HAS1: variants seen among roughly 807,000 people sequenced by gnomAD.
HAS1 encodes HA synthase 1.
A neutral mutation model predicts 35.0 loss-of-function variants in HAS1; 27 were observed. The ratio of observed to expected loss-of-function variants is 0.77; its 90% confidence interval spans 0.57 to 1.06. The LOEUF (loss-of-function observed/expected upper bound fraction) is 1.06, where lower values mean the gene tolerates loss of function less well. Among genes scored for constraint, HAS1 ranks in the 50% least tolerant of loss-of-function variants. HAS1 has a pLI of 0.00. For missense variants in HAS1, 940 were observed against 814.8 expected (o/e 1.15, Z -1.87); for synonymous variants, 409 against 371.2 (o/e 1.10, Z -1.17).
intron 1 of HAS1, among the ~76,000 whole-genome samples, chr19:51,721,531 A>G (rs991807803): frequency 1.3e-5 from 2 of 152,104 alleles, no homozygotes; most frequent in Non-Finnish European, 2.9e-5. Context: ...TAATCCCAGC[A>G]CTTTGGGAGG....
Position 51,717,185 on chromosome 19 carries a change from G to A in HAS1, c.708C>T (p.Asp236=), listed in dbSNP as rs763658996. 1.9e-6 allele frequency: 3 copies of A among 1,610,432 alleles called. No homozygotes were observed. The highest frequency in any genetic ancestry group is 2.5e-6 in the Non-Finnish European group (3 of 1,177,822). The change falls in exon 3 of 5, where the codon GAC becomes GAT. Residue 236 remains aspartate (D), a synonymous_variant. Coordinates refer to ENST00000540069, the MANE Select transcript of HAS1 (RefSeq NM_001297436.2). ...GDSVDYVQVC[D]SDTRLDPMAL... ...CCATGGGGTCCAACCTTGTGTCCGA[G>A]TCACAGACCTGTAAGGTGGAAGGGG...
intron 2 of HAS1, among the ~76,000 whole-genome samples, chr19:51,717,784 C>T (rs1031762576): frequency 6.6e-6 from 1 of 152,194 alleles, no homozygotes; most frequent in South Asian, 2.1e-4. Context: ...CCAGCTGACA[C>T]CTTGATTGCA....
In HAS1 at chr19:51,719,438, G is replaced by C. The variant is rs2083608971; in HGVS notation, c.467C>G (p.Pro156Arg). ...MFREVFADED[P>R]ATYVWDGNYH... ...GTTGCCGTCCCACACGTACGTGGCG[G>C]GGTCCTCGTCAGCGAAGACCTCGCG... The change falls in exon 2 of 5, where the codon CCC becomes CGC. Residue 156 changes from proline (P) to arginine (R), a missense_variant. Coordinates refer to ENST00000540069, the MANE Select transcript of HAS1 (RefSeq NM_001297436.2). 10 of 1,554,262 alleles carry C rather than the reference G, an allele frequency of 6.4e-6. No individual in the cohort carries two copies. The highest frequency in any genetic ancestry group is 8.7e-6 in the Non-Finnish European group (10 of 1,148,280).
chr19:51,719,727 C>T lies in HAS1; in HGVS notation c.178G>A (p.Ala60Thr). 1 of 1,569,542 alleles carries T rather than the reference C, an allele frequency of 6.4e-7. No individual in the cohort carries two copies. Among genetic ancestry groups the T allele is most frequent in the Non-Finnish European group, 8.6e-7 (1 of 1,163,146 alleles). Residue 60 changes from alanine to threonine, a missense_variant, in exon 2 of 5, where the codon GCC (alanine) becomes ACC (threonine). Ala to Thr is a moderately conservative substitution (Grantham distance 58). Coordinates refer to ENST00000540069, the MANE Select transcript of HAS1 (RefSeq NM_001297436.2). The part of the protein sequence containing the change: ...YGLLAFGLYG[A>T]FLSAHLVAQS... ...GCCACCAGGTGCGCTGAAAGGAAGG[C>T]CCCGTAGAGGCCGAAGGCCAGGAGG...
chr19:51,723,871 C>G (rs1209766885), intron 1 of HAS1, 54 bp downstream of exon 1: 1 of 1,270,486 alleles, frequency 7.9e-7, no homozygotes, highest in African/African-American at 1.5e-5. Flanking sequence ...GTAGTTTTCC[C>G]CACATGGCTG....
intron 2 of HAS1, among the ~76,000 whole-genome samples, chr19:51,718,686 G>A (rs1047339288): frequency 1.3e-5 from 2 of 152,234 alleles, no homozygotes; most frequent in South Asian, 2.1e-4. Context: ...ATAGGCATTC[G>A]CCACCATGCT....
rs1266216131 is a variant in HAS1, at chr19:51,723,820, G to C, written c.9+105C>G. ...CACATGGATACACACATGAAATCAT[G>C]CACACACAGTTCCCCAACACACGTG... is the stretch of plus-strand genomic sequence containing the variant. On this transcript the variant is annotated intron_variant, in intron 1 of 4. Transcript: ENST00000540069. 4 of 1,075,520 alleles carry C rather than the reference G, an allele frequency of 3.7e-6. No individual in the cohort carries two copies. The African/African-American group carries it at 6.2e-5, about 17-fold the overall frequency. 66.6% of individuals were successfully genotyped at this position (1,075,520 alleles called of 1,614,324 possible).
rs546455366 is a variant in HAS1 at position 51,716,199 on chromosome 19, C to G, written c.1058+57G>C. The G allele has an allele frequency of 3.6e-5, 53 of 1,477,302 alleles. No individual in the cohort carries two copies. The Admixed American group carries it at 9.1e-4, about 25-fold the overall frequency. The allele number at this position is 1,477,302 out of a possible 1,614,324, so 91.5% of individuals were successfully genotyped here. ...TTGGAGAACTCTCAGCATGCACACA[C>G]GCTAGGATATTCATTGGCCTCCACA... is the stretch of plus-strand genomic sequence containing the variant. On this transcript the variant is annotated intron_variant, in intron 4 of 4. Transcript: ENST00000540069.
In HAS1 at chr19:51,717,193, C is replaced by T. The variant is rs1295059854; in HGVS notation, c.700G>A (p.Val234Ile). The T allele has an allele frequency of 6.2e-7, 1 of 1,606,556 alleles. No individual in the cohort carries two copies. The highest frequency in any genetic ancestry group is 8.5e-7 in the Non-Finnish European group (1 of 1,174,850). The change falls in exon 3 of 5, where the codon GTC becomes ATC. Residue 234 changes from valine to isoleucine, a missense_variant and splice_region_variant. Transcript: ENST00000540069. ...TCCAACCTTGTGTCCGAGTCACAGA[C>T]CTGTAAGGTGGAAGGGGCCAGGATC... ...ALGDSVDYVQ[V>I]CDSDTRLDPM...
In HAS1 at chr19:51,717,118, C is replaced by G. The variant is rs372673212; in HGVS notation, c.775G>C (p.Val259Leu). The G allele has an allele frequency of 2.5e-6, 4 of 1,613,944 alleles. No individual in the cohort carries two copies. Among genetic ancestry groups the G allele is most frequent in the South Asian group, 2.2e-5 (2 of 91,086 alleles). ...LVRVLDEDPR[V>L]GAVGGDVRIL... ...CGCACGTCCCCACCAACAGCCCCTA[C>G]CCGGGGGTCCTCGTCCAGTACCCGC... The change falls in exon 3 of 5, where the codon GTA (valine) becomes CTA (leucine). Residue 259 changes from valine (V) to leucine (L), a missense_variant. Transcript: ENST00000540069.
At chr19:51,719,147 C>T in intron 2 of HAS1, 59 bp downstream of exon 2, 2 of 1,063,802 alleles carry the variant, frequency 1.9e-6, no homozygotes, top group South Asian at 3.2e-5. Flanking sequence ...AGGAAAGACC[C>T]CAGGAAAGTG....
intron 4 of HAS1, 74 bp downstream of exon 4, chr19:51,716,182 C>T: frequency 7.6e-7 from 1 of 1,312,290 alleles, no homozygotes; most frequent in Non-Finnish European, 1.1e-6. Context: ...ATTTGGAGAA[C>T]TCTCAGCATG....
rs781757286 is a variant in HAS1 at position 51,713,437 on chromosome 19, A to T, written c.1724T>A (p.Val575Asp). 1 of 1,528,842 alleles carries T rather than the reference A, an allele frequency of 6.5e-7. No homozygotes were observed. Among genetic ancestry groups the T allele is most frequent in the Non-Finnish European group, 8.8e-7 (1 of 1,136,404 alleles). The allele number at this position is 1,528,842 out of a possible 1,614,324, so 94.7% of individuals were successfully genotyped here. The change falls in exon 5 of 5, where the codon GTC (valine) becomes GAC (aspartate). Residue 575 changes from valine to aspartate, a missense_variant. Coordinates refer to ENST00000540069, the MANE Select transcript of HAS1 (RefSeq NM_001297436.2). The surrounding 1 kb of genome is among the most constrained non-coding windows in gnomAD (Gnocchi z 4.5). The part of the protein sequence containing the change: ...LCRRRTGGYR[V>D]QV ...TCCGCGTGGCTGGACTCACACCTGGACGCGGTAGCCCCCGGTCCGCCGCCG... is the reference window on the plus strand; with the variant it reads ...TCCGCGTGGCTGGACTCACACCTGGTCGCGGTAGCCCCCGGTCCGCCGCCG...
rs61736498 is a variant in HAS1 at position 51,719,482 on chromosome 19, G to A, written c.423C>T (p.Leu141=). Reference sequence around the variant, plus strand: ...CCTCGCGGAACATGTCGACCATGTAGAGGTCCTCGGCGCGGTTGCCATCCA... The same window carrying A: ...CCTCGCGGAACATGTCGACCATGTAAAGGTCCTCGGCGCGGTTGCCATCCA... The part of the protein sequence containing the change: ...MVVDGNRAED[L]YMVDMFREVF... Residue 141 remains leucine, a synonymous_variant, in exon 2 of 5, where the codon CTC becomes CTT. Transcript: ENST00000540069. 4 of 1,551,040 alleles carry A rather than the reference G, an allele frequency of 2.6e-6. No individual in the cohort carries two copies. The East Asian group carries it at 9.8e-5, about 38-fold the overall frequency.
chr19:51,719,096 GA>G, intron 2 of HAS1, 109 bp downstream of exon 2: 3 of 622,276 alleles, frequency 4.8e-6, no homozygotes, highest in Non-Finnish European at 8.1e-6. Context: ...ATGGATGAAA[GA>G]ATAAAGAAAG....
In HAS1 at chr19:51,719,487, C is replaced by A; in HGVS notation, c.418G>T (p.Asp140Tyr). Residue 140 changes from aspartate (D) to tyrosine (Y), a missense_variant, in exon 2 of 5, where the codon GAC (aspartate) becomes TAC (tyrosine). By Grantham distance (160) the Asp-to-Tyr change is radical. Transcript: ENST00000540069. Reference sequence around the variant, plus strand: ...CGGAACATGTCGACCATGTAGAGGTCCTCGGCGCGGTTGCCATCCACCACC... The same window carrying A: ...CGGAACATGTCGACCATGTAGAGGTACTCGGCGCGGTTGCCATCCACCACC... ...LMVVDGNRAE[D>Y]LYMVDMFREV... The A allele has an allele frequency of 6.4e-7, 1 of 1,550,676 alleles. No homozygotes were observed. The highest frequency in any genetic ancestry group is 1.7e-4 in the Middle Eastern group (1 of 5,974).
chr19:51,717,690 C>T (rs2083596726), intron 2 of HAS1, among the ~76,000 whole-genome samples: 1 of 152,144 alleles, frequency 6.6e-6, no homozygotes, highest in Non-Finnish European at 1.5e-5. Context: ...ACCATGAGTT[C>T]TATGGCTGCA....
At chr19:51,718,568 C>T (rs1358726449) in intron 2 of HAS1, among the ~76,000 whole-genome samples, 1 of 152,086 alleles carries the variant, frequency 6.6e-6, no homozygotes, top group African/African-American at 2.4e-5. Flanking sequence ...CGGAGTTTTG[C>T]TCTTGTTGCC....
chr19:51,716,236 A>G lies in HAS1; in HGVS notation c.1058+20T>C, dbSNP rs1555794295. On this transcript the variant is annotated intron_variant, in intron 4 of 4. Coordinates refer to ENST00000540069, the MANE Select transcript of HAS1 (RefSeq NM_001297436.2). ...CATTGGCCTCCACACATACCCGACC[A>G]CCTGGTCCCCTCAGCTTACTTGGTA... 1.6e-5 allele frequency: 26 copies of G among 1,607,102 alleles called. No individual in the cohort carries two copies. In the South Asian group the frequency reaches 2.8e-4, roughly 17 times the overall value.
Sources: allele counts gnomAD v4.1 joint callset (sites outside exome capture counted in the v4.1 genomes callset), GRCh38; gene constraint gnomAD v4.1.1; non-coding constraint Gnocchi (gnomAD v3.1); transcripts MANE v1.5; gene names NCBI Gene and HGNC (gene_info 2026-07-23, HGNC 2026-07-21).